Variants in KANSL3 observed in about 807,000 individuals in gnomAD.
KANSL3 encodes KAT8 regulatory NSL complex subunit 3, also known as NSL complex protein NSL3.
A neutral mutation model predicts 89.2 loss-of-function variants in KANSL3; 16 were observed. That is an observed-to-expected ratio of 0.18 (90% CI 0.12 to 0.27). KANSL3 has a LOEUF of 0.27. KANSL3 is among the 10% of genes least tolerant of loss of function. The pLI is 1.00. For synonymous variants in KANSL3, 385 were observed against 419.7 expected (o/e 0.92, Z 1.01); for missense variants, 879 against 1,110.6 (o/e 0.79, Z 2.96).
chr2:96,629,568 C>A (rs1316037950), intron 3 of KANSL3, among the ~76,000 whole-genome samples: 1 of 152,202 alleles, frequency 6.6e-6, no homozygotes, highest in South Asian at 2.1e-4. Context: ...GTGATCCACC[C>A]GCCTCAACCT....
Position 96,609,561 on chromosome 2 carries a change from T to C in KANSL3, c.1321A>G (p.Ile441Val), listed in dbSNP as rs752986794. 11 of 1,612,994 alleles carry C rather than the reference T, an allele frequency of 6.8e-6. No homozygotes were observed. Among genetic ancestry groups the C allele is most frequent in the Non-Finnish European group, 9.3e-6 (11 of 1,178,956 alleles). ...TCTGATTTCTTCTTTGCTTTGCTTA[T>C]TCTAAGAAACAAAAAGGATGACATG... ...VVGGADDNLR[I>V]SKAKKKSEGL... The change falls in exon 12 of 21, where the codon ATA becomes GTA. Residue 441 changes from isoleucine (I) to valine (V), a missense_variant and splice_region_variant. Coordinates refer to ENST00000431828, the MANE Select transcript of KANSL3 (RefSeq NM_001115016.3).
chr2:96,598,351 G>A (rs1050095758), intron 20 of KANSL3, among the ~76,000 whole-genome samples: 5 of 152,090 alleles, frequency 3.3e-5, no homozygotes, highest in Non-Finnish European at 7.4e-5. Flanking sequence ...AGGGGGTGGA[G>A]GGGAAGAAAA....
the KANSL3 span, among the ~76,000 whole-genome samples, chr2:96,586,904 A>G: frequency 6.6e-6 from 1 of 152,192 alleles, no homozygotes; most frequent in African/African-American, 2.4e-5. Context: ...TCCCATAATT[A>G]CCTTGTTTTA....
Position 96,612,674 on chromosome 2 carries a change from AGAG to A in KANSL3, c.913-114_913-112del, listed in dbSNP as rs1248912849. 9 of 1,135,552 alleles carry A rather than the reference AGAG, an allele frequency of 7.9e-6. No homozygotes were observed. The Admixed American group carries it at 9.9e-5, about 13-fold the overall frequency. The allele number at this position is 1,135,552 out of a possible 1,614,324, so 70.3% of individuals were successfully genotyped here. A position where few individuals can be genotyped will look rare whatever the true frequency, so the allele number is the denominator to read the frequency against. On this transcript the variant is annotated intron_variant, in intron 7 of 20. Coordinates refer to ENST00000431828, the MANE Select transcript of KANSL3 (RefSeq NM_001115016.3). ...TGGAATTCCACATGAAAGAAGGATT[AGAG>A]GAGGCTCCACATGAAAGAAGGGTTA...
At chr2:96,585,816 C>T in the KANSL3 span, among the ~76,000 whole-genome samples, 2 of 152,044 alleles carry the variant, frequency 1.3e-5, no homozygotes, top group South Asian at 4.1e-4. Flanking sequence ...TTTGCACCAA[C>T]CTGGATGGAG....
At chr2:96,602,730 C>A in intron 18 of KANSL3, 23 bp downstream of exon 18, 1 of 1,563,108 alleles carries the variant, frequency 6.4e-7, no homozygotes, top group South Asian at 1.2e-5. Flanking sequence ...ACCTGCCCAG[C>A]CCAGCAGATG....
At chr2:96,600,441 T>C in intron 20 of KANSL3, 1 of 985,150 alleles carries the variant, frequency 1.0e-6, no homozygotes, top group Non-Finnish European at 1.2e-6. Flanking sequence ...TCCATCCCTC[T>C]GCAAAAAAAG....
intron 12 of KANSL3, 93 bp from the exon 13 acceptor site, chr2:96,609,157 C>T: frequency 8.7e-7 from 1 of 1,148,504 alleles, no homozygotes. Flanking sequence ...GATTCTCCCT[C>T]AGCTCTGGCA....
At position 96,609,459 on chromosome 2, in the gene KANSL3, G is replaced by T. The variant is rs767898759; in HGVS notation, c.1383+40C>A. 3 of 1,592,044 alleles carry T rather than the reference G, an allele frequency of 1.9e-6. No homozygotes were observed. In the South Asian group the frequency reaches 3.3e-5, roughly 18 times the overall value. Reference sequence around the variant, plus strand: ...ACCAAACCTAAAAGGCTACAGAAAGGCAAGCCTAGCTGAGAAAAGCACACA... The same window carrying T: ...ACCAAACCTAAAAGGCTACAGAAAGTCAAGCCTAGCTGAGAAAAGCACACA... On this transcript the variant is annotated intron_variant, in intron 12 of 20. Transcript: ENST00000431828.
chr2:96,609,527 G>A lies in KANSL3; in HGVS notation c.1355C>T (p.Thr452Ile). The A allele has an allele frequency of 6.2e-7, 1 of 1,613,940 alleles. No individual in the cohort carries two copies. The highest frequency in any genetic ancestry group is 8.5e-7 in the Non-Finnish European group (1 of 1,179,824). Residue 452 changes from threonine (T) to isoleucine (I), a missense_variant, in exon 12 of 21, where the codon ACT (threonine) becomes ATT (isoleucine). Physicochemically the swap from Thr to Ile is moderately conservative, Grantham distance 89. This residue lies in a region of KANSL3 where 198 missense variants were observed against 260.3 expected (regional missense o/e 0.76). Transcript: ENST00000431828. ...SKAKKKSEGL[T>I]QSMVDRCIQD... ...AATACATCTGTCCACCATGCTCTGAGTCAACCCTTCTGATTTCTTCTTTGC... is the reference window on the plus strand; with the variant it reads ...AATACATCTGTCCACCATGCTCTGAATCAACCCTTCTGATTTCTTCTTTGC...
downstream of KANSL3, among the ~76,000 whole-genome samples, chr2:96,592,775 G>A (rs924827056): frequency 2.4e-4 from 36 of 152,108 alleles, no homozygotes; most frequent in African/African-American, 7.7e-4. Flanking sequence ...AGGCTGAGGC[G>A]GGCGGATCAC....
In KANSL3 at chr2:96,608,812, A is replaced by G; in HGVS notation, c.1584+52T>C. 3 of 1,516,926 alleles carry G rather than the reference A, an allele frequency of 2.0e-6. No individual in the cohort carries two copies. In the South Asian group the frequency reaches 3.8e-5, roughly 19 times the overall value. 94.0% of individuals were successfully genotyped at this position (1,516,926 alleles called of 1,614,324 possible). ...GCATCCCCAGGAAATTAAGGAACCA[A>G]CTCTGTGGTGCTGATTCCCCAGCAA... On this transcript the variant is annotated intron_variant, in intron 13 of 20. Coordinates refer to ENST00000431828, the MANE Select transcript of KANSL3 (RefSeq NM_001115016.3).
At chr2:96,602,041 C>G in intron 19 of KANSL3, 75 bp downstream of exon 19, 1 of 1,408,696 alleles carries the variant, frequency 7.1e-7, no homozygotes, top group Non-Finnish European at 9.7e-7. Context: ...TCATACCTTG[C>G]CCACATGAGA....
At chr2:96,619,120 A>G (rs1558735701) in intron 5 of KANSL3, among the ~76,000 whole-genome samples, 3 of 152,244 alleles carry the variant, frequency 2.0e-5, no homozygotes, top group Non-Finnish European at 4.4e-5. Flanking sequence ...TAGGAAGGCT[A>G]AATGTATACT....
At chr2:96,585,112 T>C in the KANSL3 span, among the ~76,000 whole-genome samples, 1 of 152,088 alleles carries the variant, frequency 6.6e-6, no homozygotes, top group Non-Finnish European at 1.5e-5. Context: ...CAAAAGCAAA[T>C]GCAACAAGAA....
chr2:96,601,217 G>A (rs1466388193), intron 20 of KANSL3: 3 of 703,046 alleles, frequency 4.3e-6, no homozygotes, highest in African/African-American at 3.9e-5. Context: ...GCAGGGAGCC[G>A]AGATCACACC....
intron 3 of KANSL3, among the ~76,000 whole-genome samples, chr2:96,622,405 G>A (rs1388217810): frequency 3.7e-4 from 54 of 146,774 alleles, no homozygotes; most frequent in African/African-American, 1.3e-3. Flanking sequence ...ACAAGACCTC[G>A]TCTCAAAAAA....
intron 3 of KANSL3, among the ~76,000 whole-genome samples, chr2:96,624,377 C>T (rs1259846145): frequency 6.6e-6 from 1 of 152,172 alleles, no homozygotes; most frequent in African/African-American, 2.4e-5. Context: ...CATGTTAATA[C>T]ACCTCTTTGT....
intron 14 of KANSL3, chr2:96,606,496 A>AT (rs1458773814): frequency 6.4e-6 from 1 of 156,778 alleles, no homozygotes; most frequent in African/African-American, 2.4e-5. Flanking sequence ...AACAGTCAGG[A>AT]CATAACCAGC....
Sources: gnomAD v4.1 joint callset for allele counts (sites outside exome capture counted in the v4.1 genomes callset) on GRCh38, gnomAD v4.1.1 for gene constraint, gnomAD v4.1.1 regional missense constraint, MANE v1.5 for transcripts, NCBI Gene and HGNC (gene_info 2026-07-23, HGNC 2026-07-21) for gene names.